Variants in TTC39B observed in about 807,000 individuals in gnomAD.
TTC39B encodes tetratricopeptide repeat domain 39B.
In TTC39B, 92 loss-of-function variants were observed where a neutral mutation model predicts 96.6. That is an observed-to-expected ratio of 0.95 (90% confidence interval 0.80 to 1.13). The LOEUF (loss-of-function observed/expected upper bound fraction) is 1.13, where lower values mean the gene tolerates loss of function less well. Among genes scored for constraint, TTC39B ranks in the 50% most tolerant of loss-of-function variants. The probability of loss-of-function intolerance (pLI) is 0.00; values close to 1 mark genes in which losing one functional copy is unlikely to be tolerated. For synonymous variants in TTC39B, 367 were observed against 299.4 expected (o/e 1.23, Z -2.33); for missense variants, 955 against 809.3 (o/e 1.18, Z -2.18).
chr9:15,198,461 A>AATATATATATATAT (rs61517681), intron 8 of TTC39B, among the ~76,000 whole-genome samples: 13 of 117,362 alleles, frequency 1.1e-4, no homozygotes, highest in African/African-American at 3.7e-4. Context: ...CGGTCGCAAA[A>AATATATATATATAT]ATATATATAT....
intron 17 of TTC39B, among the ~76,000 whole-genome samples, chr9:15,179,422 C>T (rs886693337): frequency 2.0e-5 from 3 of 152,126 alleles, no homozygotes; most frequent in African/African-American, 4.8e-5. Context: ...TGCTACTTAA[C>T]CAACCAGAAA....
chr9:15,229,488 A>G (rs1313925429), intron 2 of TTC39B, among the ~76,000 whole-genome samples: 2 of 152,244 alleles, frequency 1.3e-5, no homozygotes, highest in Admixed American at 1.3e-4. Context: ...CTGTGTGGTA[A>G]GATTATGGTT....
At chr9:15,235,863 C>T (rs1007127941) in intron 2 of TTC39B, among the ~76,000 whole-genome samples, 19 of 152,266 alleles carry the variant, frequency 1.2e-4, no homozygotes, top group East Asian at 1.9e-4. Context: ...TAAAAGAACA[C>T]GTAAGTGCAA....
chr9:15,301,350 G>C (rs1824580711), intron 1 of TTC39B, among the ~76,000 whole-genome samples: 1 of 152,184 alleles, frequency 6.6e-6, no homozygotes, highest in African/African-American at 2.4e-5. Flanking sequence ...TAAGTGTTTT[G>C]CTTGACGTTG....
chr9:15,199,913 T>G (rs1819432852), exon 8 of TTC39B: 1 of 1,538,326 alleles, frequency 6.5e-7, no homozygotes, highest in Admixed American at 1.9e-5. Context: ...ATGAAGTTGA[T>G]CATATTTTCA....
chr9:15,207,811 C>T (rs1478487292), intron 6 of TTC39B, among the ~76,000 whole-genome samples: 2 of 150,906 alleles, frequency 1.3e-5, no homozygotes, highest in African/African-American at 2.4e-5. Context: ...GGTGAAACCC[C>T]GTCTCTACTA....
rs1334362225 is a variant in TTC39B, at chr9:15,172,263, G to T, written c.1959-154C>A. ...GTAAAATGCAGATTCTGGTTCTGTT[G>T]GGGGGTTTTGGGGGGAACTGCAATA... On this transcript the variant is annotated intron_variant, in intron 19 of 19. Coordinates refer to ENST00000512701, the Ensembl canonical transcript of TTC39B. 3.3e-5 allele frequency among the ~76,000 whole-genome samples: 5 copies of T among 151,956 alleles called. No individual in the cohort carries two copies. In the East Asian group the frequency reaches 5.8e-4, roughly 18 times the overall value.
intron 9 of TTC39B, 115 bp from the exon 10 acceptor site, chr9:15,191,370 T>G (rs976717828): frequency 3.1e-5 from 20 of 655,390 alleles, no homozygotes; most frequent in Non-Finnish European, 5.2e-5. Context: ...TGGGAACAAG[T>G]TTTAACCACC....
intron 2 of TTC39B, among the ~76,000 whole-genome samples, chr9:15,227,875 T>A (rs902772346): frequency 3.3e-5 from 5 of 152,228 alleles, no homozygotes; most frequent in Non-Finnish European, 7.3e-5. Context: ...CACCCTTTTC[T>A]TTAACATTCC....
intron 14 of TTC39B, 104 bp from the exon 15 acceptor site, chr9:15,187,139 G>A: frequency 1.3e-6 from 1 of 769,518 alleles, no homozygotes; most frequent in Non-Finnish European, 2.1e-6. Context: ...TAAAATTAGA[G>A]GCATTAAAGA....
chr9:15,232,033 TGG>T (rs1821451938), intron 2 of TTC39B, among the ~76,000 whole-genome samples: 1 of 152,086 alleles, frequency 6.6e-6, no homozygotes, highest in Admixed American at 6.5e-5. Context: ...GTGATACTCA[TGG>T]GCAAGCTAGG....
chr9:15,306,190 C>T lies in TTC39B; in HGVS notation c.240+894G>A, dbSNP rs1443834001. On this transcript the variant is annotated intron_variant, in intron 1 of 19. Transcript: ENST00000512701. This position sits in a 1 kb window ranked among gnomAD's most constrained non-coding sequence, Gnocchi z 5.1. ...TTCAAGTCAGGTAAGATGGCAGGAA[C>T]AGCAGCTGTGGGTGCTGGCTGCTGC... 6.6e-6 allele frequency among the ~76,000 whole-genome samples: 1 copy of T among 152,234 alleles called. No individual in the cohort carries two copies. Among genetic ancestry groups the T allele is most frequent in the Non-Finnish European group, 1.5e-5 (1 of 68,034 alleles).
chr9:15,209,118 T>A (rs1935242057), intron 6 of TTC39B, among the ~76,000 whole-genome samples: 1 of 152,204 alleles, frequency 6.6e-6, no homozygotes. Flanking sequence ...CAGATTCTCC[T>A]GGGATGGCAA....
chr9:15,210,459 G>T (rs1362233286), intron 5 of TTC39B, among the ~76,000 whole-genome samples: 1 of 152,182 alleles, frequency 6.6e-6, no homozygotes, highest in African/African-American at 2.4e-5. Context: ...ACTAAAATCA[G>T]TATTTGTGGT....
chr9:15,236,648 T>C (rs1471183074), intron 2 of TTC39B, among the ~76,000 whole-genome samples: 1 of 152,192 alleles, frequency 6.6e-6, no homozygotes, highest in African/African-American at 2.4e-5. Flanking sequence ...GGGATGAAAT[T>C]AGAAATCAAT....
intron 2 of TTC39B, among the ~76,000 whole-genome samples, chr9:15,245,449 G>A (rs1228297332): frequency 2.0e-5 from 3 of 152,102 alleles, no homozygotes; most frequent in Non-Finnish European, 4.4e-5. Context: ...TTCAGCCTGT[G>A]GTATCAAGCA....
At chr9:15,307,062 C>G in intron 1 of TTC39B, 22 bp downstream of exon 1, 2 of 1,607,636 alleles carry the variant, frequency 1.2e-6, no homozygotes. Flanking sequence ...GGGCCGGGCC[C>G]GCAATCCCCA....
intron 2 of TTC39B, among the ~76,000 whole-genome samples, chr9:15,238,928 G>T (rs1586939942): frequency 6.6e-6 from 1 of 152,198 alleles, no homozygotes; most frequent in Admixed American, 6.5e-5. Flanking sequence ...ATAGGTTGCA[G>T]TGAGCCAAGA....
At chr9:15,231,373 G>A (rs1821411610) in intron 2 of TTC39B, among the ~76,000 whole-genome samples, 1 of 151,966 alleles carries the variant, frequency 6.6e-6, no homozygotes, top group South Asian at 2.1e-4. Flanking sequence ...TTAACAGCTT[G>A]GCCAATACTT....
Sources: gnomAD v4.1 joint callset for allele counts (sites outside exome capture counted in the v4.1 genomes callset) on GRCh38, gnomAD v4.1.1 for gene constraint, Gnocchi (gnomAD v3.1) non-coding constraint, MANE v1.5 for transcripts, NCBI Gene and HGNC (gene_info 2026-07-23, HGNC 2026-07-21) for gene names.